The following ADARB2 variants were observed in gnomAD, a reference collection of about 807,000 sequenced individuals.
ADARB2 encodes inactive double-stranded RNA-specific editase B2.
In ADARB2, 25 loss-of-function variants were observed where a neutral mutation model predicts 62.2. The observed-to-expected ratio is 0.40, with a 90% CI of 0.29 to 0.56. The LOEUF (loss-of-function observed/expected upper bound fraction) is 0.56. Among genes scored for constraint, ADARB2 ranks in the 20% least tolerant of loss-of-function variants. The probability of loss-of-function intolerance (pLI) is 0.43; values close to 1 mark genes in which losing one functional copy is unlikely to be tolerated. For synonymous variants in ADARB2, 572 were observed against 500.8 expected (o/e 1.14, Z -1.90); for missense variants, 1,071 against 1,077.4 (o/e 0.99, Z 0.08).
rs1463113796 is a variant in ADARB2 at position 1,522,359 on chromosome 10, A to AG, written c.101-143200dup. On this transcript the variant is annotated intron_variant, in intron 1 of 9. Coordinates refer to ENST00000381312, the MANE Select transcript of ADARB2 (RefSeq NM_018702.4). The stretch of plus-strand genomic sequence containing the variant: ...AAAGCCACAGGACACTGCCTCTAAG[A>AG]GGGGGAGGTGGAAGGCAGGAAAATT... Among the ~76,000 whole-genome samples the AG allele has an allele frequency of 2.0e-5, 3 of 152,140 alleles. No individual in the cohort carries two copies. The East Asian group carries it at 5.8e-4, about 29-fold the overall frequency.
chr10:1,633,412 G>C lies in ADARB2; in HGVS notation c.100+103639C>G, dbSNP rs1833866442. Among the ~76,000 whole-genome samples, 6 of 152,260 alleles carry C rather than the reference G, an allele frequency of 3.9e-5. No homozygotes were observed. In the South Asian group the frequency reaches 1.2e-3, roughly 32 times the overall value. On this transcript the variant is annotated intron_variant, in intron 1 of 9. Coordinates refer to ENST00000381312, the MANE Select transcript of ADARB2 (RefSeq NM_018702.4). ...TGCTCACCAGAATATTTCAGATCTT[G>C]GATTTTCAGAGTGTGGACGCTGAAC...
chr10:1,673,567 G>GTAGCT lies in ADARB2; in HGVS notation c.100+63479_100+63483dup, dbSNP rs1157693511. ...AACACGTCGCTTAGACCTTATTGAA[G>GTAGCT]TAGCTGCGTGGGAGACACTTGATTA... On this transcript the variant is annotated intron_variant, in intron 1 of 9. Coordinates refer to ENST00000381312, the MANE Select transcript of ADARB2 (RefSeq NM_018702.4). Among the ~76,000 whole-genome samples the GTAGCT allele has an allele frequency of 2.6e-5, 4 of 152,240 alleles. No individual in the cohort carries two copies. In the East Asian group the frequency reaches 7.7e-4, roughly 29 times the overall value.
rs536163265 is a variant in ADARB2 at position 1,348,618 on chromosome 10, C to A, written c.1077+14410G>T. 1.3e-5 allele frequency among the ~76,000 whole-genome samples: 2 copies of A among 152,296 alleles called. 1 individual carries two copies. Among genetic ancestry groups the A allele is most frequent in the African/African-American group, 4.8e-5 (2 of 41,560 alleles). On this transcript the variant is annotated intron_variant, in intron 3 of 9. Coordinates refer to ENST00000381312, the MANE Select transcript of ADARB2 (RefSeq NM_018702.4). The stretch of plus-strand genomic sequence containing the variant: ...TGCTCTCCTCCTCCCACCCCCTCTG[C>A]TCTGTCTGCTGTCTGTTTCCAAGGG...
At chr10:1,457,684 C>T (rs557663771) in intron 1 of ADARB2, among the ~76,000 whole-genome samples, 4 of 152,296 alleles carry the variant, frequency 2.6e-5, no homozygotes, top group South Asian at 2.1e-4. Context: ...CCACATAGCT[C>T]CCTGATGGCC....
chr10:1,347,959 G>C (rs1221505202), intron 3 of ADARB2, among the ~76,000 whole-genome samples: 1 of 152,024 alleles, frequency 6.6e-6, no homozygotes, highest in Non-Finnish European at 1.5e-5. Flanking sequence ...GGGGTGGAGA[G>C]AGACAGACAG....
rs532130377 is a variant in ADARB2 at position 1,683,637 on chromosome 10, C to T, written c.100+53414G>A. Among the ~76,000 whole-genome samples, 19 of 152,320 alleles carry T rather than the reference C, an allele frequency of 1.2e-4. No homozygotes were observed. The South Asian group carries it at 3.7e-3, about 30-fold the overall frequency. On this transcript the variant is annotated intron_variant, in intron 1 of 9. Coordinates refer to ENST00000381312, the MANE Select transcript of ADARB2 (RefSeq NM_018702.4). The stretch of plus-strand genomic sequence containing the variant: ...TTTTTGTACCAGACTCACCAGGTAA[C>T]TGTCGCCGAGTCAGAGCGGGTCATG...
chr10:1,717,784 G>T (rs1416858804), intron 1 of ADARB2, among the ~76,000 whole-genome samples: 1 of 151,986 alleles, frequency 6.6e-6, no homozygotes, highest in Non-Finnish European at 1.5e-5. Context: ...CGTCATGTAG[G>T]CTAGGCTGGT....
intron 1 of ADARB2, among the ~76,000 whole-genome samples, chr10:1,648,042 AT>A (rs541105361): frequency 3.3e-4 from 51 of 152,346 alleles, no homozygotes; most frequent in African/African-American, 1.2e-3. Context: ...ATTTAGGGAA[AT>A]CCAAGAAGAC....
chr10:1,443,704 A>C (rs1356327078), intron 1 of ADARB2, among the ~76,000 whole-genome samples: 1 of 152,204 alleles, frequency 6.6e-6, no homozygotes, highest in Non-Finnish European at 1.5e-5. Flanking sequence ...GCTTGGACTT[A>C]AGTGAGAATA....
At chr10:1,317,804 C>A (rs1391638611) in intron 3 of ADARB2, among the ~76,000 whole-genome samples, 1 of 152,050 alleles carries the variant, frequency 6.6e-6, no homozygotes, top group Non-Finnish European at 1.5e-5. Flanking sequence ...GCCGGCCACG[C>A]CCCTCCATTG....
intron 1 of ADARB2, among the ~76,000 whole-genome samples, chr10:1,664,743 G>A (rs1022306710): frequency 6.6e-6 from 1 of 152,128 alleles, no homozygotes; most frequent in Admixed American, 6.5e-5. Context: ...AGACGGCAAG[G>A]GGAACGTGGG....
chr10:1,245,579 C>T (rs1377330370), intron 4 of ADARB2, among the ~76,000 whole-genome samples: 1 of 150,084 alleles, frequency 6.7e-6, no homozygotes, highest in Non-Finnish European at 1.5e-5. Flanking sequence ...TGAGTGAGGA[C>T]ATGCGGTGTT....
At chr10:1,656,293 G>A (rs944321314) in intron 1 of ADARB2, among the ~76,000 whole-genome samples, 2 of 152,160 alleles carry the variant, frequency 1.3e-5, no homozygotes, top group African/African-American at 2.4e-5. Context: ...AGATGACGTC[G>A]AACCTAGGGA....
At chr10:1,580,899 T>C (rs59889619) in intron 1 of ADARB2, among the ~76,000 whole-genome samples, 5,835 of 152,340 alleles carry the variant, frequency 0.038, 363 homozygotes, top group African/African-American at 0.13. Context: ...GGTTCTTCCA[T>C]GGCTTGATCG....
At chr10:1,728,334 C>T (rs1412432690) in intron 1 of ADARB2, among the ~76,000 whole-genome samples, 1 of 152,128 alleles carries the variant, frequency 6.6e-6, no homozygotes, top group African/African-American at 2.4e-5. Context: ...TTTTTCATTG[C>T]CTCCCAAAGA....
chr10:1,687,894 C>G (rs7908733), intron 1 of ADARB2, among the ~76,000 whole-genome samples: 5,656 of 152,048 alleles, frequency 0.037, 139 homozygotes, highest in East Asian at 0.083. Flanking sequence ...GTTGCCAGTG[C>G]GTATACAGTG....
At chr10:1,486,700 C>T (rs893905594) in intron 1 of ADARB2, among the ~76,000 whole-genome samples, 2 of 152,156 alleles carry the variant, frequency 1.3e-5, no homozygotes, top group Non-Finnish European at 2.9e-5. Flanking sequence ...CCATCAGCAT[C>T]AGCCTCAGAA....
At chr10:1,708,897 G>A (rs1834921210) in intron 1 of ADARB2, among the ~76,000 whole-genome samples, 1 of 152,206 alleles carries the variant, frequency 6.6e-6, no homozygotes, top group Admixed American at 6.5e-5. Context: ...TATGTGAGCA[G>A]AGGGCTGAGG....
chr10:1,648,458 T>C (rs1834072148), intron 1 of ADARB2, among the ~76,000 whole-genome samples: 1 of 152,170 alleles, frequency 6.6e-6, no homozygotes, highest in African/African-American at 2.4e-5. Context: ...AAGTGTGTTT[T>C]TTAGGAAATA....
Sources: allele counts gnomAD v4.1 joint callset (sites outside exome capture counted in the v4.1 genomes callset), GRCh38; gene constraint gnomAD v4.1.1; transcripts MANE v1.5; gene names NCBI Gene and HGNC (gene_info 2026-07-23, HGNC 2026-07-21).